CDH17: variants seen among roughly 807,000 people sequenced by gnomAD.
The protein encoded by CDH17 is cadherin 17, also known as cadherin-17.
In CDH17, 67 loss-of-function variants were observed where a neutral mutation model predicts 86.3. That is an observed-to-expected ratio of 0.78 (90% CI 0.64 to 0.95). The LOEUF (loss-of-function observed/expected upper bound fraction) is 0.95. CDH17 is among the 40% of genes least tolerant of loss of function. The pLI, the probability that CDH17 is intolerant of heterozygous loss-of-function variation, is 0.00. For synonymous variants in CDH17, 367 were observed against 366.4 expected (o/e 1.00, Z -0.02); for missense variants, 993 against 1,017.6 (o/e 0.98, Z 0.33).
chr8:94,167,150 T>C (rs1462245364), intron 9 of CDH17, among the ~76,000 whole-genome samples: 1 of 152,152 alleles, frequency 6.6e-6, no homozygotes, highest in Non-Finnish European at 1.5e-5. Flanking sequence ...GGCAGGATCC[T>C]CTCCACCTTG....
At chr8:94,149,377 G>A (rs1231507915) in intron 13 of CDH17, among the ~76,000 whole-genome samples, 1 of 152,190 alleles carries the variant, frequency 6.6e-6, no homozygotes, top group African/African-American at 2.4e-5. Flanking sequence ...ATTGAGTGCT[G>A]AGGAAGATCA....
At chr8:94,134,713 G>A (rs1812488564) in intron 15 of CDH17, among the ~76,000 whole-genome samples, 1 of 152,018 alleles carries the variant, frequency 6.6e-6, no homozygotes, top group South Asian at 2.1e-4. Flanking sequence ...TTTTGAATGT[G>A]TTTGCTCTTT....
At chr8:94,150,674 G>T (rs1812839353) in intron 13 of CDH17, among the ~76,000 whole-genome samples, 1 of 152,080 alleles carries the variant, frequency 6.6e-6, no homozygotes, top group Non-Finnish European at 1.5e-5. Context: ...AATGGTATAT[G>T]TATCCTTTCC....
At chr8:94,149,260 C>A (rs1159629711) in intron 13 of CDH17, among the ~76,000 whole-genome samples, 1 of 152,026 alleles carries the variant, frequency 6.6e-6, no homozygotes, top group Non-Finnish European at 1.5e-5. Flanking sequence ...TCTTAGCAAA[C>A]CACCCACCTA....
intron 9 of CDH17, among the ~76,000 whole-genome samples, 156 bp from the exon 10 acceptor site, chr8:94,166,132 T>A (rs577300881): frequency 7.3e-5 from 11 of 150,986 alleles, no homozygotes; most frequent in African/African-American, 2.7e-4. Context: ...TCTCATCCTA[T>A]CATGTAATGG....
chr8:94,133,070 C>A (rs965855428), intron 15 of CDH17, among the ~76,000 whole-genome samples: 1 of 152,084 alleles, frequency 6.6e-6, no homozygotes, highest in African/African-American at 2.4e-5. Flanking sequence ...GTTACTGTAG[C>A]CTTGTAGTAT....
At chr8:94,156,748 C>T (rs577729535) in intron 12 of CDH17, among the ~76,000 whole-genome samples, 1 of 152,340 alleles carries the variant, frequency 6.6e-6, no homozygotes, top group South Asian at 2.1e-4. Context: ...CAGGTAGAAT[C>T]CTAGCTCTAA....
chr8:94,179,229 T>A (rs1382610794), intron 3 of CDH17, among the ~76,000 whole-genome samples: 1 of 152,142 alleles, frequency 6.6e-6, no homozygotes, highest in Non-Finnish European at 1.5e-5. Flanking sequence ...ATCTATCCTG[T>A]TGGCATTTCC....
chr8:94,180,486 CA>C (rs1421795737), intron 3 of CDH17, among the ~76,000 whole-genome samples: 3 of 152,114 alleles, frequency 2.0e-5, no homozygotes, highest in Non-Finnish European at 2.9e-5. Flanking sequence ...ACATCATAAA[CA>C]TTTGAAAGAT....
In CDH17 at chr8:94,174,276, T is replaced by C. The variant is rs113824643; in HGVS notation, c.425-16A>G. ...AAGGGCTTTCCTGTTTAACAAGACG[T>C]ACCCAGAAAAAAAAAAAAAAAGATA... On this transcript the variant is annotated splice_polypyrimidine_tract_variant and intron_variant, in intron 5 of 17. Coordinates refer to ENST00000027335, the MANE Select transcript of CDH17 (RefSeq NM_004063.4). 1,437 of 1,489,922 alleles carry C rather than the reference T, an allele frequency of 9.6e-4. 17 individuals are homozygous for C. The African/African-American group carries it at 0.02, about 21-fold the overall frequency. The allele number at this position is 1,489,922 out of a possible 1,614,324, so 92.3% of individuals were successfully genotyped here. A position where few individuals can be genotyped will look rare whatever the true frequency, so the allele number is the denominator to read the frequency against.
chr8:94,181,317 A>C (rs549639510), intron 3 of CDH17, among the ~76,000 whole-genome samples: 3 of 152,298 alleles, frequency 2.0e-5, no homozygotes, highest in Admixed American at 1.3e-4. Context: ...ACAATACTAT[A>C]AACCAATTAG....
intron 15 of CDH17, among the ~76,000 whole-genome samples, chr8:94,135,612 G>A (rs1812508432): frequency 6.6e-6 from 1 of 152,078 alleles, no homozygotes; most frequent in African/African-American, 2.4e-5. Context: ...TATCCAATTT[G>A]CCAGTCTGTG....
intron 1 of CDH17, chr8:94,202,606 C>T: frequency 6.1e-6 from 1 of 163,630 alleles, no homozygotes; most frequent in Admixed American, 6.0e-5. Context: ...CACCCTCCTG[C>T]CTTGGTGGCA....
intron 3 of CDH17, among the ~76,000 whole-genome samples, chr8:94,180,560 A>G (rs1161546885): frequency 3.9e-5 from 6 of 152,118 alleles, no homozygotes; most frequent in Non-Finnish European, 2.9e-5. Flanking sequence ...ATTAACAGCT[A>G]ATTTTCCATG....
chr8:94,153,789 A>T (rs1286867368), intron 12 of CDH17, among the ~76,000 whole-genome samples: 1 of 152,236 alleles, frequency 6.6e-6, no homozygotes, highest in Non-Finnish European at 1.5e-5. Context: ...AAGTGAAATA[A>T]GCCAGGCATG....
intron 3 of CDH17, among the ~76,000 whole-genome samples, chr8:94,180,350 G>GA (rs573594046): frequency 9.9e-5 from 15 of 151,884 alleles, no homozygotes; most frequent in Admixed American, 8.5e-4. Context: ...GAAAAAGGGG[G>GA]AAAAAAGATT....
intron 1 of CDH17, among the ~76,000 whole-genome samples, chr8:94,198,422 G>C (rs1322209915): frequency 6.6e-6 from 1 of 152,090 alleles, no homozygotes; most frequent in Non-Finnish European, 1.5e-5. Context: ...TCAGATTCTA[G>C]CATATTGCAA....
chr8:94,129,156 T>C (rs936088614), intron 17 of CDH17, among the ~76,000 whole-genome samples: 11 of 151,968 alleles, frequency 7.2e-5, no homozygotes, highest in Non-Finnish European at 1.3e-4. Flanking sequence ...CTTTAACTTG[T>C]GGTAAGATTA....
intron 8 of CDH17, 49 bp from the exon 9 acceptor site, chr8:94,170,596 G>T: frequency 6.4e-7 from 1 of 1,568,806 alleles, no homozygotes; most frequent in Non-Finnish European, 8.7e-7. Flanking sequence ...ACCACCCTCT[G>T]TCAAAAGCAG....
Sources: gnomAD v4.1 joint callset for allele counts (sites outside exome capture counted in the v4.1 genomes callset) on GRCh38, gnomAD v4.1.1 for gene constraint, MANE v1.5 for transcripts, NCBI Gene and HGNC (gene_info 2026-07-23, HGNC 2026-07-21) for gene names.